Variants in NXPE2 observed in about 807,000 individuals in gnomAD.
The protein encoded by NXPE2 is neurexophilin and PC-esterase domain family member 2.
NXPE2 carries 34 observed loss-of-function variants against 34.4 expected under a neutral mutation model. That is an observed-to-expected ratio of 0.99 (90% CI 0.75 to 1.31). NXPE2 has a LOEUF of 1.31. NXPE2 is among the 40% of genes most tolerant of loss of function. The pLI, the probability that NXPE2 is intolerant of heterozygous loss-of-function variation, is 0.00. For missense variants in NXPE2, 649 were observed against 672.5 expected, an observed-to-expected ratio of 0.97 and a Z score of 0.39; for synonymous variants, 235 against 231.3, an observed-to-expected ratio of 1.02 and a Z score of -0.15.
chr11:114,799,777 T>C, the NXPE2 span, among the ~76,000 whole-genome samples: 1 of 152,206 alleles, frequency 6.6e-6, no homozygotes, highest in Non-Finnish European at 1.5e-5. Context: ...CTATACACAT[T>C]GAGAGGACAA....
the NXPE2 span, among the ~76,000 whole-genome samples, chr11:114,723,592 A>C: frequency 8.6e-3 from 1,312 of 152,236 alleles, 13 homozygotes; most frequent in Non-Finnish European, 0.013. Flanking sequence ...TGTATCCCCA[A>C]ATCTAAGTTA....
At chr11:114,526,578 T>A in the NXPE2 span, 1 of 152,212 alleles carries the variant, frequency 6.6e-6, no homozygotes, top group Admixed American at 6.5e-5. Context: ...ATCCTCAGCA[T>A]GACACTTGAG....
the NXPE2 span, among the ~76,000 whole-genome samples, chr11:114,487,676 T>A: frequency 6.6e-6 from 1 of 152,184 alleles, no homozygotes; most frequent in Non-Finnish European, 1.5e-5. Flanking sequence ...TTTTATTGTG[T>A]TGAGGTCTGT....
At chr11:114,566,179 C>T in the NXPE2 span, among the ~76,000 whole-genome samples, 1 of 152,032 alleles carries the variant, frequency 6.6e-6, no homozygotes, top group Admixed American at 6.6e-5. Context: ...GTGGAGAAAT[C>T]AGAGCTGGAG....
At chr11:114,603,718 C>A in the NXPE2 span, among the ~76,000 whole-genome samples, 2 of 151,632 alleles carry the variant, frequency 1.3e-5, no homozygotes, top group African/African-American at 2.4e-5. Flanking sequence ...GCCTCGTCTC[C>A]TAGTTAACTC....
the NXPE2 span, among the ~76,000 whole-genome samples, chr11:114,473,969 G>A: frequency 6.6e-6 from 1 of 152,074 alleles, no homozygotes; most frequent in South Asian, 2.1e-4. Flanking sequence ...CTGGGGTGGG[G>A]TGGAGGGCAG....
the NXPE2 span, among the ~76,000 whole-genome samples, chr11:114,803,675 C>T: frequency 6.6e-6 from 1 of 151,756 alleles, no homozygotes; most frequent in East Asian, 1.9e-4. Context: ...CTCCTGGGTT[C>T]AAGCAATTCT....
At chr11:114,645,873 A>G in the NXPE2 span, among the ~76,000 whole-genome samples, 1 of 152,170 alleles carries the variant, frequency 6.6e-6, no homozygotes, top group Non-Finnish European at 1.5e-5. Flanking sequence ...TAATTTGTTG[A>G]TAAGTATTTG....
chr11:114,608,470 G>A, the NXPE2 span, among the ~76,000 whole-genome samples: 8 of 151,806 alleles, frequency 5.3e-5, no homozygotes, highest in Non-Finnish European at 7.4e-5. Flanking sequence ...AGTAAGTATT[G>A]CCTTGTGGGT....
the NXPE2 span, among the ~76,000 whole-genome samples, chr11:114,673,251 A>G: frequency 6.6e-6 from 1 of 151,484 alleles, no homozygotes; most frequent in Non-Finnish European, 1.5e-5. Flanking sequence ...AGAAATCACA[A>G]GGGAAATCAG....
At chr11:114,801,710 A>G in the NXPE2 span, among the ~76,000 whole-genome samples, 1 of 152,140 alleles carries the variant, frequency 6.6e-6, no homozygotes, top group Non-Finnish European at 1.5e-5. Context: ...TTTATTTTAG[A>G]GGAAAAACCA....
the NXPE2 span, chr11:114,580,239 C>G: frequency 6.8e-6 from 11 of 1,613,958 alleles, no homozygotes; most frequent in South Asian, 2.2e-5. Context: ...TGTAGCCAAA[C>G]TACAGGAGAC....
the NXPE2 span, among the ~76,000 whole-genome samples, chr11:114,785,645 C>T: frequency 6.6e-6 from 1 of 152,168 alleles, no homozygotes. Context: ...TTCCCTCCCT[C>T]TCTGGGTATT....
chr11:114,708,200 A>C (rs1361995436), downstream of NXPE2, among the ~76,000 whole-genome samples: 1 of 152,094 alleles, frequency 6.6e-6, no homozygotes, highest in African/African-American at 2.4e-5. Context: ...ATTATTTGGA[A>C]CTTAGTAACC....
the NXPE2 span, among the ~76,000 whole-genome samples, chr11:114,541,091 A>C: frequency 6.6e-6 from 1 of 152,068 alleles, no homozygotes; most frequent in Non-Finnish European, 1.5e-5. Context: ...TGATTTACTT[A>C]TAACCACAGG....
chr11:114,781,084 T>C, the NXPE2 span, among the ~76,000 whole-genome samples: 2 of 152,190 alleles, frequency 1.3e-5, no homozygotes, highest in Non-Finnish European at 2.9e-5. Context: ...GAGAAATAAT[T>C]CTGTTCCCTT....
the NXPE2 span, among the ~76,000 whole-genome samples, chr11:114,565,312 C>G: frequency 6.6e-6 from 1 of 152,268 alleles, no homozygotes; most frequent in East Asian, 1.9e-4. Flanking sequence ...CCTTTTTACA[C>G]AAAACCATCT....
chr11:114,544,012 T>A, the NXPE2 span, among the ~76,000 whole-genome samples: 1 of 152,156 alleles, frequency 6.6e-6, no homozygotes, highest in African/African-American at 2.4e-5. Context: ...AGCACTTAAG[T>A]ATAAATCTAA....
chr11:114,506,607 T>C, the NXPE2 span, among the ~76,000 whole-genome samples: 2 of 152,084 alleles, frequency 1.3e-5, 1 homozygote, highest in Admixed American at 1.3e-4. Context: ...TACATGGAAA[T>C]TGAATAACCT....
Sources: allele counts gnomAD v4.1 joint callset (sites outside exome capture counted in the v4.1 genomes callset), GRCh38; gene constraint gnomAD v4.1.1; transcripts MANE v1.5; gene names NCBI Gene and HGNC (gene_info 2026-07-23, HGNC 2026-07-21).